MTMR3: variants seen among roughly 807,000 people sequenced by gnomAD.
MTMR3 encodes the protein myotubularin related protein 3.
In MTMR3, 32 loss-of-function variants were observed where a neutral mutation model predicts 132.4. The observed-to-expected ratio is 0.24, with a 90% CI of 0.18 to 0.32. The LOEUF (loss-of-function observed/expected upper bound fraction) is 0.32, where lower values mean the gene tolerates loss of function less well. Ranked by LOEUF, MTMR3 falls within the 10% of genes least tolerant of loss-of-function variation. The probability of loss-of-function intolerance (pLI) is 1.00; values close to 1 mark genes in which losing one functional copy is unlikely to be tolerated. For missense variants in MTMR3, 1,216 were observed against 1,489.6 expected, an observed-to-expected ratio of 0.82 and a Z score of 3.02; for synonymous variants, 556 against 550.3, an observed-to-expected ratio of 1.01 and a Z score of -0.14.
chr22:30,023,103 C>T, intron 19 of MTMR3: 1 of 401,752 alleles, frequency 2.5e-6, no homozygotes, highest in African/African-American at 2.0e-5. Flanking sequence ...CTTGTTTTCC[C>T]TTGTGCCATT....
At chr22:29,956,536 C>T (rs1376798414) in intron 1 of MTMR3, among the ~76,000 whole-genome samples, 10 of 152,298 alleles carry the variant, frequency 6.6e-5, no homozygotes, top group East Asian at 1.9e-4. Flanking sequence ...TGTGAGCTAC[C>T]GTGCCTGGCT....
chr22:30,025,612 G>C lies in MTMR3; in HGVS notation c.3426-18G>C, dbSNP rs1601448756. On this transcript the variant is annotated intron_variant, in intron 19 of 19. Transcript: ENST00000401950. ...TGCTGGCCAAAACTAACATTGTTCT[G>C]TTTCTTCTCATCTCAAGGAATTGTG... 1 of 1,613,986 alleles carries C rather than the reference G, an allele frequency of 6.2e-7. No homozygotes were observed. The highest frequency in any genetic ancestry group is 8.5e-7 in the Non-Finnish European group (1 of 1,179,884).
rs1001997266 is a variant in MTMR3, at chr22:30,027,389, A to G, written c.*1588A>G. On this transcript the variant is annotated 3_prime_UTR_variant, in exon 20 of 20. Transcript: ENST00000401950. ...GGGTGTGGTTAAGGCGTGGCCCAGAAGGCTTCCCTGGTGCTCTCAGTCCAG... is the reference window on the plus strand; with the variant it reads ...GGGTGTGGTTAAGGCGTGGCCCAGAGGGCTTCCCTGGTGCTCTCAGTCCAG... The G allele has an allele frequency of 6.5e-6, 1 of 152,794 alleles. No individual in the cohort carries two copies. The highest frequency in any genetic ancestry group is 1.5e-5 in the Non-Finnish European group (1 of 68,052). The allele number at this position is 152,794 out of a possible 1,614,324, so 9.5% of individuals were successfully genotyped here. A position where few individuals can be genotyped will look rare whatever the true frequency, so the allele number is the denominator to read the frequency against.
intron 1 of MTMR3, among the ~76,000 whole-genome samples, chr22:29,948,453 TGATA>T (rs2065991993): frequency 1.3e-5 from 2 of 152,362 alleles, no homozygotes; most frequent in South Asian, 4.1e-4. Flanking sequence ...TTTGGGATAC[TGATA>T]GATATTTTTT....
At chr22:29,896,145 A>G (rs2064891262) in intron 1 of MTMR3, among the ~76,000 whole-genome samples, 1 of 152,050 alleles carries the variant, frequency 6.6e-6, no homozygotes, top group Non-Finnish European at 1.5e-5. Flanking sequence ...CCCCATGTCT[A>G]CTAAAAATAC....
chr22:29,893,167 A>G (rs1023442957), intron 1 of MTMR3, among the ~76,000 whole-genome samples: 1 of 152,204 alleles, frequency 6.6e-6, no homozygotes, highest in African/African-American at 2.4e-5. Context: ...GCATTGTAAA[A>G]CCAACAGGTA....
At chr22:29,944,504 G>A (rs1032976855) in intron 1 of MTMR3, among the ~76,000 whole-genome samples, 2 of 152,170 alleles carry the variant, frequency 1.3e-5, no homozygotes, top group Non-Finnish European at 2.9e-5. Flanking sequence ...AAGACAGGAA[G>A]TAGATAGAGA....
chr22:30,000,506 T>C (rs1479996882), intron 8 of MTMR3: 1 of 152,018 alleles, frequency 6.6e-6, no homozygotes, highest in Non-Finnish European at 1.5e-5. Context: ...ATCCTTCTCC[T>C]ACGTTTCCCT....
At chr22:29,991,808 G>A (rs2066966709) in intron 7 of MTMR3, 138 bp downstream of exon 7, 2 of 864,774 alleles carry the variant, frequency 2.3e-6, no homozygotes, top group South Asian at 2.4e-5. Flanking sequence ...CAAGTGCGCA[G>A]CATTCTTTTA....
intron 13 of MTMR3, 32 bp from the exon 14 acceptor site, chr22:30,013,324 A>C (rs544686345): frequency 1.9e-6 from 3 of 1,610,474 alleles, no homozygotes; most frequent in Middle Eastern, 1.7e-4. Context: ...ATAGTCTAGC[A>C]CAAATGGTCT....
At chr22:29,918,203 T>G (rs2065344534) in intron 1 of MTMR3, among the ~76,000 whole-genome samples, 1 of 152,218 alleles carries the variant, frequency 6.6e-6, no homozygotes, top group African/African-American at 2.4e-5. Context: ...TTGAGGGGCA[T>G]CATCTGTACT....
chr22:30,007,396 C>G, intron 10 of MTMR3, 77 bp downstream of exon 10: 3 of 1,370,708 alleles, frequency 2.2e-6, no homozygotes, highest in South Asian at 2.5e-5. Flanking sequence ...CTCTTCCTTA[C>G]AAGACATAGA....
At chr22:29,972,688 G>C (rs569394998) in intron 3 of MTMR3, among the ~76,000 whole-genome samples, 415 of 152,072 alleles carry the variant, frequency 2.7e-3, no homozygotes, top group African/African-American at 9.3e-3. Flanking sequence ...CTTGTGCCTC[G>C]GCCTCTCAAG....
chr22:29,971,372 C>T (rs2066531524), intron 3 of MTMR3, among the ~76,000 whole-genome samples: 1 of 151,944 alleles, frequency 6.6e-6, no homozygotes, highest in Non-Finnish European at 1.5e-5. Context: ...GTTTTTAATT[C>T]CTTTTCTAGG....
chr22:29,922,633 A>G (rs947276256), intron 1 of MTMR3, among the ~76,000 whole-genome samples: 1 of 152,222 alleles, frequency 6.6e-6, no homozygotes, highest in Non-Finnish European at 1.5e-5. Flanking sequence ...GTATATCTGT[A>G]TATCAAGTCT....
chr22:30,019,902 C>G lies in MTMR3; in HGVS notation c.2243C>G (p.Ala748Gly), dbSNP rs766472027. ...CACCAAGACCCAGAACTGGGTGATG[C>G]TGCTCTGAGGAGCCATCTGGATATG... ...GLHQDPELGD[A>G]ALRSHLDMSW... is the part of the protein sequence containing the mutation. Residue 748 changes from alanine to glycine, a missense_variant, in exon 17 of 20, where the codon GCT becomes GGT. Ala to Gly is a moderately conservative substitution (Grantham distance 60). This residue lies in a region of MTMR3 where 852 missense variants were observed against 852.0 expected (regional missense o/e 1.00). Transcript: ENST00000401950. The G allele has an allele frequency of 1.2e-6, 2 of 1,614,214 alleles. No individual in the cohort carries two copies. Among genetic ancestry groups the G allele is most frequent in the Non-Finnish European group, 1.7e-6 (2 of 1,180,028 alleles).
intron 1 of MTMR3, among the ~76,000 whole-genome samples, chr22:29,951,817 CAG>C (rs10551457): frequency 0.078 from 11,751 of 151,446 alleles, 528 homozygotes; most frequent in African/African-American, 0.092. Flanking sequence ...TCTATTGAAA[CAG>C]AGTTTTCACT....
chr22:29,937,513 G>T (rs973995070), intron 1 of MTMR3, among the ~76,000 whole-genome samples: 8 of 152,062 alleles, frequency 5.3e-5, no homozygotes, highest in African/African-American at 1.7e-4. Context: ...AGCTCCTGGG[G>T]TTAAGTGATC....
At chr22:29,961,065 T>G (rs1280640910) in intron 2 of MTMR3, among the ~76,000 whole-genome samples, 1 of 152,190 alleles carries the variant, frequency 6.6e-6, no homozygotes, top group Non-Finnish European at 1.5e-5. Flanking sequence ...TATTTTTATT[T>G]TAACTTTTAA....
Sources: allele counts gnomAD v4.1 joint callset (sites outside exome capture counted in the v4.1 genomes callset), GRCh38; gene constraint gnomAD v4.1.1; regional missense constraint gnomAD v4.1.1; transcripts MANE v1.5; gene names NCBI Gene and HGNC (gene_info 2026-07-23, HGNC 2026-07-21).